DLGAP4: variants seen among roughly 807,000 people sequenced by gnomAD.
The protein encoded by DLGAP4 is DLG associated protein 4, also known as disks large-associated protein 4.
DLGAP4 carries 18 observed loss-of-function variants against 86.9 expected under a neutral mutation model. The observed-to-expected ratio is 0.21, with a 90% CI of 0.14 to 0.31. The LOEUF is 0.31. Among genes scored for constraint, DLGAP4 ranks in the 10% least tolerant of loss-of-function variants. The pLI, the probability that DLGAP4 is intolerant of heterozygous loss-of-function variation, is 1.00. For missense variants in DLGAP4, 1,085 were observed against 1,362.6 expected (o/e 0.80, Z 3.21); for synonymous variants, 548 against 574.3 (o/e 0.95, Z 0.65).
intron 1 of DLGAP4, among the ~76,000 whole-genome samples, chr20:36,317,525 C>G (rs1187719112): frequency 7.0e-6 from 1 of 141,934 alleles, no homozygotes; most frequent in African/African-American, 2.7e-5. Flanking sequence ...ATGATCATAG[C>G]TCACTGCAGC....
Position 36,480,923 on chromosome 20 carries a change from T to C in DLGAP4, c.1649-15782T>C, listed in dbSNP as rs141613996. 8.6e-3 allele frequency among the ~76,000 whole-genome samples: 1,304 copies of C among 152,268 alleles called. 7 individuals are homozygous for C. Among genetic ancestry groups the C allele is most frequent in the Middle Eastern group, 0.048 (14 of 294 alleles). On this transcript the variant is annotated intron_variant, in intron 7 of 12. Coordinates refer to ENST00000339266, the MANE Select transcript of DLGAP4 (RefSeq NM_001365621.2). ...TGGGAGGCTGAGGTGAGAGGATTGC[T>C]TGAGCCCGGGCTATCAAGGCTGCAG...
At chr20:36,334,700 C>G (rs2065304022) in intron 1 of DLGAP4, among the ~76,000 whole-genome samples, 1 of 152,172 alleles carries the variant, frequency 6.6e-6, no homozygotes, top group African/African-American at 2.4e-5. Flanking sequence ...GGAAGGCAGT[C>G]TGGCTGAGCC....
chr20:36,505,496 T>C (rs1310864178), intron 10 of DLGAP4, among the ~76,000 whole-genome samples: 1 of 151,494 alleles, frequency 6.6e-6, no homozygotes, highest in Non-Finnish European at 1.5e-5. Context: ...GGTTTTAGGC[T>C]GGGTGTGGTG....
intron 7 of DLGAP4, among the ~76,000 whole-genome samples, chr20:36,462,851 A>G (rs1297899149): frequency 6.6e-6 from 1 of 152,212 alleles, no homozygotes; most frequent in Non-Finnish European, 1.5e-5. Flanking sequence ...ATCCCTGCCC[A>G]CTTGGCCCCG....
At chr20:36,314,333 T>C (rs1189373279) in intron 1 of DLGAP4, among the ~76,000 whole-genome samples, 19 of 124,126 alleles carry the variant, frequency 1.5e-4, no homozygotes, top group Middle Eastern at 3.9e-3. Flanking sequence ...TGTGTGTGCG[T>C]GTGTGTGTGT....
intron 1 of DLGAP4, among the ~76,000 whole-genome samples, chr20:36,322,228 C>T (rs541631059): frequency 6.6e-6 from 1 of 151,952 alleles, no homozygotes; most frequent in East Asian, 1.9e-4. Flanking sequence ...ATGTGCAAAC[C>T]CCGGGGTGTG....
Position 36,432,554 on chromosome 20 carries a change from C to G in DLGAP4, c.837C>G (p.Ser279Arg). 1 of 1,608,086 alleles carries G rather than the reference C, an allele frequency of 6.2e-7. No individual in the cohort carries two copies. Among genetic ancestry groups the G allele is most frequent in the Non-Finnish European group, 8.5e-7 (1 of 1,177,678 alleles). ...PPPAPPATCP[S>R]LGVGTDTNYV... ...CCGCACCCCCAGCCACCTGCCCCAG[C>G]CTTGGGGTGGGCACTGACACCAACT... is the stretch of plus-strand genomic sequence containing the variant. The change falls in exon 3 of 13, where the codon AGC (serine) becomes AGG (arginine). Residue 279 changes from serine (S) to arginine (R), a missense_variant. Ser to Arg is a moderately radical substitution (Grantham distance 110). Around this residue, in one of 2 missense-constraint regions of DLGAP4, gnomAD observed 1,082 missense variants for 1,344.1 expected, o/e 0.81. Coordinates refer to ENST00000339266, the MANE Select transcript of DLGAP4 (RefSeq NM_001365621.2). The surrounding 1 kb of genome is among the most constrained non-coding windows in gnomAD (Gnocchi z 6.5).
chr20:36,514,088 G>C, intron 10 of DLGAP4, among the ~76,000 whole-genome samples: 1 of 152,124 alleles, frequency 6.6e-6, no homozygotes. Context: ...TGAACACTTA[G>C]CGGTGGAAAG....
intron 12 of DLGAP4, chr20:36,526,260 G>A (rs575148437): frequency 6.5e-5 from 40 of 617,230 alleles, no homozygotes; most frequent in South Asian, 6.4e-4. Flanking sequence ...GGAGAGGCAC[G>A]CCCACAGCCT....
At chr20:36,440,182 G>A (rs1413967809) in intron 5 of DLGAP4, among the ~76,000 whole-genome samples, 3 of 152,138 alleles carry the variant, frequency 2.0e-5, no homozygotes, top group Non-Finnish European at 2.9e-5. Context: ...ACCTAGGTTC[G>A]AGTCCCAGTT....
intron 7 of DLGAP4, among the ~76,000 whole-genome samples, chr20:36,452,084 G>A (rs2033750487): frequency 1.3e-5 from 2 of 152,176 alleles, no homozygotes; most frequent in African/African-American, 4.8e-5. Context: ...TTTGAGAATG[G>A]TTTACTCTCT....
chr20:36,476,705 G>T (rs74739486), intron 7 of DLGAP4, among the ~76,000 whole-genome samples: 1,937 of 84,102 alleles, frequency 0.023, no homozygotes, highest in Non-Finnish European at 0.029. Flanking sequence ...TTTTTTTTTG[G>T]TTTTTTTTTT....
At chr20:36,316,644 C>G (rs1001260356) in intron 1 of DLGAP4, among the ~76,000 whole-genome samples, 1 of 152,154 alleles carries the variant, frequency 6.6e-6, no homozygotes, top group Non-Finnish European at 1.5e-5. Flanking sequence ...CATTGTTGAG[C>G]CTGGTAGTCC....
At chr20:36,412,146 G>A (rs1600496819) in intron 2 of DLGAP4, among the ~76,000 whole-genome samples, 1 of 152,248 alleles carries the variant, frequency 6.6e-6, no homozygotes, top group Admixed American at 6.5e-5. Flanking sequence ...AATTAAATGT[G>A]CTGGCAATTG....
intron 2 of DLGAP4, among the ~76,000 whole-genome samples, chr20:36,369,882 G>A (rs1454007643): frequency 6.6e-6 from 1 of 152,062 alleles, no homozygotes; most frequent in Non-Finnish European, 1.5e-5. Flanking sequence ...TTATCTCCTT[G>A]AATCCTCCTG....
intron 7 of DLGAP4, among the ~76,000 whole-genome samples, chr20:36,494,360 A>T (rs1421672146): frequency 6.6e-6 from 1 of 152,186 alleles, no homozygotes; most frequent in Non-Finnish European, 1.5e-5. Flanking sequence ...GCTTTTCTGG[A>T]ATCCACTAGA....
intron 2 of DLGAP4, among the ~76,000 whole-genome samples, chr20:36,422,640 C>T (rs2032861021): frequency 6.6e-6 from 1 of 152,078 alleles, no homozygotes; most frequent in African/African-American, 2.4e-5. Context: ...TGGCCTTGTC[C>T]CTAATTAGCT....
chr20:36,485,474 G>T (rs143638428), intron 7 of DLGAP4, among the ~76,000 whole-genome samples: 4 of 152,138 alleles, frequency 2.6e-5, no homozygotes, highest in Non-Finnish European at 5.9e-5. Flanking sequence ...CTGTGAGCCA[G>T]AAAGGGTTGA....
chr20:36,489,855 CTTTTTTTTTT>C (rs764797081), intron 7 of DLGAP4, among the ~76,000 whole-genome samples: 2 of 108,022 alleles, frequency 1.9e-5, no homozygotes, highest in Admixed American at 9.4e-5. Context: ...GCTAATTCTT[CTTTTTTTTTT>C]TTTTTTTTTT....
Sources: gnomAD v4.1 joint callset for allele counts (sites outside exome capture counted in the v4.1 genomes callset) on GRCh38, gnomAD v4.1.1 for gene constraint, gnomAD v4.1.1 regional missense constraint, Gnocchi (gnomAD v3.1) non-coding constraint, MANE v1.5 for transcripts, NCBI Gene and HGNC (gene_info 2026-07-23, HGNC 2026-07-21) for gene names.